Variants in NXN observed in about 807,000 individuals in gnomAD.
NXN encodes the protein nucleoredoxin.
NXN carries 16 observed loss-of-function variants against 48.6 expected under a neutral mutation model. The observed-to-expected ratio is 0.33, with a 90% CI of 0.22 to 0.50. NXN has a LOEUF of 0.50. Among genes scored for constraint, NXN ranks in the 20% least tolerant of loss-of-function variants. The pLI, the probability that NXN is intolerant of heterozygous loss-of-function variation, is 0.98. For missense variants in NXN, 492 were observed against 605.5 expected (o/e 0.81, Z 1.97); for synonymous variants, 281 against 269.6 (o/e 1.04, Z -0.41).
At chr17:822,139 C>A (rs180961877) in intron 4 of NXN, among the ~76,000 whole-genome samples, 1 of 151,960 alleles carries the variant, frequency 6.6e-6, no homozygotes, top group African/African-American at 2.4e-5. Context: ...ATTAGCCGGG[C>A]ATGGTGGCGG....
chr17:853,746 G>A (rs1481841504), intron 1 of NXN, among the ~76,000 whole-genome samples: 27 of 118,392 alleles, frequency 2.3e-4, no homozygotes, highest in African/African-American at 9.0e-4. Flanking sequence ...TTTCCAAGAC[G>A]GAGTCTCACT....
intron 1 of NXN, among the ~76,000 whole-genome samples, chr17:977,567 T>C (rs2069476240): frequency 6.6e-6 from 1 of 152,262 alleles, no homozygotes; most frequent in African/African-American, 2.4e-5. Context: ...AAAAAATGTA[T>C]TTCCTCTTCA....
At chr17:921,601 G>A (rs535207949) in intron 1 of NXN, among the ~76,000 whole-genome samples, 2 of 152,040 alleles carry the variant, frequency 1.3e-5, no homozygotes, top group South Asian at 2.1e-4. Flanking sequence ...GCTCCAGCAC[G>A]CTAGACAACA....
In NXN at chr17:841,355, T is replaced by C. The variant is rs540992700; in HGVS notation, c.361-15277A>G. The stretch of plus-strand genomic sequence containing the variant: ...CTGGTGCCGCCAACCCTGCCAGGGC[T>C]GGGACCCAGAGCAGCCCACACACGG... On this transcript the variant is annotated intron_variant, in intron 1 of 7. Coordinates refer to ENST00000336868, the MANE Select transcript of NXN (RefSeq NM_022463.5). Among the ~76,000 whole-genome samples, 102 of 150,166 alleles carry C rather than the reference T, an allele frequency of 6.8e-4. 5 individuals are homozygous for C. Among genetic ancestry groups the C allele is most frequent in the African/African-American group, 2.4e-3 (99 of 40,646 alleles).
chr17:819,325 T>C (rs115150559), intron 5 of NXN, 114 bp downstream of exon 5: 11 of 759,278 alleles, frequency 1.4e-5, no homozygotes, highest in East Asian at 2.6e-5. Context: ...GAAAGGCACA[T>C]GAATATTCAT....
intron 7 of NXN, among the ~76,000 whole-genome samples, chr17:802,883 G>A (rs568096565): frequency 2.1e-5 from 3 of 145,126 alleles, no homozygotes; most frequent in South Asian, 4.8e-4. Flanking sequence ...CCAACTGGAG[G>A]TACAGATGGG....
chr17:894,640 C>T (rs2068456555), intron 1 of NXN, among the ~76,000 whole-genome samples: 1 of 151,604 alleles, frequency 6.6e-6, no homozygotes, highest in African/African-American at 2.4e-5. Flanking sequence ...CCAGAGGAAG[C>T]ATCTCAGCAC....
chr17:946,981 C>T (rs1488565424), intron 1 of NXN, among the ~76,000 whole-genome samples: 1 of 152,214 alleles, frequency 6.6e-6, no homozygotes, highest in Non-Finnish European at 1.5e-5. Flanking sequence ...ATCAGCAGCA[C>T]AACCGGGAAA....
chr17:902,803 T>C (rs2068549030), intron 1 of NXN, among the ~76,000 whole-genome samples: 1 of 149,494 alleles, frequency 6.7e-6, no homozygotes, highest in Admixed American at 6.7e-5. Context: ...TTTTTAAGAC[T>C]GACTTTCGCT....
At chr17:969,895 G>T (rs946974320) in intron 1 of NXN, among the ~76,000 whole-genome samples, 2 of 152,108 alleles carry the variant, frequency 1.3e-5, no homozygotes, top group Non-Finnish European at 2.9e-5. Flanking sequence ...GTTCGACAAC[G>T]ATATGAGATA....
chr17:948,038 C>T (rs1260353332), intron 1 of NXN, among the ~76,000 whole-genome samples: 1 of 151,556 alleles, frequency 6.6e-6, no homozygotes, highest in Non-Finnish European at 1.5e-5. Context: ...GTGACAGAGA[C>T]TCTCTCTCAA....
intron 1 of NXN, among the ~76,000 whole-genome samples, chr17:876,816 G>A (rs1238260919): frequency 1.3e-5 from 2 of 152,090 alleles, no homozygotes; most frequent in Admixed American, 1.3e-4. Flanking sequence ...GGCTGCGGGG[G>A]CGGGGGGATC....
chr17:927,109 C>T (rs976515923), intron 1 of NXN, among the ~76,000 whole-genome samples: 7 of 150,196 alleles, frequency 4.7e-5, no homozygotes, highest in African/African-American at 1.7e-4. Flanking sequence ...GTCAGGAGAT[C>T]GAGACCATCC....
chr17:835,720 G>T (rs761581973), intron 1 of NXN, among the ~76,000 whole-genome samples: 2 of 134,436 alleles, frequency 1.5e-5, no homozygotes, highest in Admixed American at 7.3e-5. Flanking sequence ...CATAGAGGCC[G>T]CAGGGAAAAA....
intron 1 of NXN, among the ~76,000 whole-genome samples, chr17:925,773 T>G (rs971102393): frequency 6.6e-6 from 1 of 152,194 alleles, no homozygotes; most frequent in African/African-American, 2.4e-5. Flanking sequence ...ACCACCTCAC[T>G]CATACAAACG....
At chr17:885,613 C>T (rs948901561) in intron 1 of NXN, among the ~76,000 whole-genome samples, 1 of 92,354 alleles carries the variant, frequency 1.1e-5, no homozygotes, top group Non-Finnish European at 2.2e-5. Context: ...CTTTTCTTTG[C>T]GCACACATGC....
Position 825,639 on chromosome 17 carries a change from C to T in NXN, c.478+322G>A. The T allele has an allele frequency of 4.1e-6, 1 of 244,838 alleles. No individual in the cohort carries two copies. Among genetic ancestry groups the T allele is most frequent in the Non-Finnish European group, 7.9e-6 (1 of 127,292 alleles). 15.2% of individuals were successfully genotyped at this position (244,838 alleles called of 1,614,324 possible). On this transcript the variant is annotated intron_variant, in intron 2 of 7. Coordinates refer to ENST00000336868, the MANE Select transcript of NXN (RefSeq NM_022463.5). This position sits in a 1 kb window ranked among gnomAD's most constrained non-coding sequence, Gnocchi z 4.1. Reference sequence around the variant, plus strand: ...GTGAAGGGGGCAGCCGCCACGGATGCAGCACTAGAGGCCGGGGTCTGAGCT... The same window carrying T: ...GTGAAGGGGGCAGCCGCCACGGATGTAGCACTAGAGGCCGGGGTCTGAGCT...
In NXN at chr17:842,206, G is replaced by A. The variant is rs546520697; in HGVS notation, c.361-16128C>T. ...GCTCGACATCCTTCCAGTTAAACCC[G>A]CCACTTCATCAAGGAAAGAAAGACA... is the stretch of plus-strand genomic sequence containing the variant. On this transcript the variant is annotated intron_variant, in intron 1 of 7. Transcript: ENST00000336868. Among the ~76,000 whole-genome samples, 82 of 152,206 alleles carry A rather than the reference G, an allele frequency of 5.4e-4. No homozygotes were observed. The South Asian group carries it at 7.3e-3, about 13-fold the overall frequency.
At chr17:908,886 G>C (rs775874338) in intron 1 of NXN, among the ~76,000 whole-genome samples, 3 of 152,136 alleles carry the variant, frequency 2.0e-5, no homozygotes, top group East Asian at 3.9e-4. Flanking sequence ...GGCAGATCAC[G>C]AGGTCAGGAG....
Sources: allele counts gnomAD v4.1 joint callset (sites outside exome capture counted in the v4.1 genomes callset), GRCh38; gene constraint gnomAD v4.1.1; non-coding constraint Gnocchi (gnomAD v3.1); transcripts MANE v1.5; gene names NCBI Gene and HGNC (gene_info 2026-07-23, HGNC 2026-07-21).